Variants in M1AP observed in about 807,000 individuals in gnomAD.
The protein encoded by M1AP is meiosis 1 associated protein.
In M1AP, 39 loss-of-function variants were observed where a neutral mutation model predicts 51.2. That is an observed-to-expected ratio of 0.76 (90% CI 0.59 to 1.00). The LOEUF is 1.00. Among genes scored for constraint, M1AP ranks in the 50% least tolerant of loss-of-function variants. The probability of loss-of-function intolerance (pLI) is 0.00; values close to 1 mark genes in which losing one functional copy is unlikely to be tolerated. For synonymous variants in M1AP, 251 were observed against 249.2 expected (o/e 1.01, Z -0.07); for missense variants, 545 against 641.2 (o/e 0.85, Z 1.62).
chr2:74,593,932 T>C (rs981419351), intron 4 of M1AP, among the ~76,000 whole-genome samples: 4 of 151,894 alleles, frequency 2.6e-5, no homozygotes, highest in Admixed American at 1.3e-4. Context: ...CTCCAGAGAG[T>C]GAGGAAGAAA....
chr2:74,575,662 T>G, intron 6 of M1AP, 83 bp from the exon 7 acceptor site: 16 of 1,084,956 alleles, frequency 1.5e-5, no homozygotes, highest in Non-Finnish European at 2.1e-5. Flanking sequence ...AGCTTAACTC[T>G]AAGACAGTAC....
chr2:74,612,616 T>C (rs753933884), intron 3 of M1AP, among the ~76,000 whole-genome samples: 29 of 152,186 alleles, frequency 1.9e-4, no homozygotes, highest in Admixed American at 4.6e-4. Flanking sequence ...AGGTTGTTTA[T>C]TTGATATCTT....
intron 2 of M1AP, chr2:74,628,217 A>G (rs1201257640): frequency 4.3e-6 from 1 of 231,064 alleles, no homozygotes; most frequent in African/African-American, 2.3e-5. Context: ...GGAAAAACAA[A>G]GCCAATCCTC....
chr2:74,631,315 T>A (rs954701027), intron 2 of M1AP, among the ~76,000 whole-genome samples: 1 of 152,230 alleles, frequency 6.6e-6, no homozygotes, highest in Non-Finnish European at 1.5e-5. Context: ...TCTGCTTTAG[T>A]GATTATCTTT....
rs1157267458 is a variant in M1AP, at chr2:74,609,216, C to T, written c.427-1993G>A. 4.7e-3 allele frequency among the ~76,000 whole-genome samples: 710 copies of T among 152,242 alleles called. 7 individuals are homozygous for T. The highest frequency in any genetic ancestry group is 0.016 in the African/African-American group (681 of 41,512). ...CCAACCTCTCCTCATGCACCCTTCC[C>T]CCCTATCCTCAGCCTCTGATAACCA... is the stretch of plus-strand genomic sequence containing the variant. On this transcript the variant is annotated intron_variant, in intron 3 of 10. Coordinates refer to ENST00000421985, the MANE Select transcript of M1AP (RefSeq NM_001321739.2).
At chr2:74,580,537 G>C (rs532799295) in intron 5 of M1AP, among the ~76,000 whole-genome samples, 8 of 152,252 alleles carry the variant, frequency 5.3e-5, no homozygotes, top group African/African-American at 1.7e-4. Context: ...AGACAGAAAG[G>C]GTCTTGGGAA....
At chr2:74,562,519 G>C (rs1419449853) in intron 7 of M1AP, 96 bp from the exon 8 acceptor site, 1 of 1,361,602 alleles carries the variant, frequency 7.3e-7, no homozygotes, top group Non-Finnish European at 1.0e-6. Flanking sequence ...TTCCAGGGGT[G>C]CTGAGGAGGG....
In M1AP at chr2:74,561,086, AG is replaced by A. The variant is rs1170431787; in HGVS notation, c.1282-796del. Among the ~76,000 whole-genome samples, 29 of 135,088 alleles carry A rather than the reference AG, an allele frequency of 2.1e-4. 1 individual carries two copies. The highest frequency in any genetic ancestry group is 7.2e-4 in the African/African-American group (25 of 34,868). The allele number at this position is 135,088 out of a possible 152,430, so 88.6% of individuals were successfully genotyped here. A position where few individuals can be genotyped will look rare whatever the true frequency, so the allele number is the denominator to read the frequency against. Reference sequence around the variant, plus strand: ...GGGGAGGAGGAGGAGGAGGAGGAGGAGGAGAAGGAGAAGGAGGAGGAGGAGA... The same window carrying A: ...GGGGAGGAGGAGGAGGAGGAGGAGGAGAGAAGGAGAAGGAGGAGGAGGAGA... On this transcript the variant is annotated intron_variant, in intron 8 of 10. Transcript: ENST00000421985.
chr2:74,607,287 A>G (rs887320834), intron 3 of M1AP, 64 bp from the exon 4 acceptor site: 2 of 1,487,592 alleles, frequency 1.3e-6, no homozygotes, highest in Non-Finnish European at 1.9e-6. Context: ...GGAACATAAC[A>G]GTTCCTACCC....
intron 4 of M1AP, among the ~76,000 whole-genome samples, chr2:74,598,032 C>T (rs1264131987): frequency 6.6e-6 from 1 of 152,208 alleles, no homozygotes; most frequent in African/African-American, 2.4e-5. Flanking sequence ...TTTCCCTAAT[C>T]TTCTCCAGAA....
intron 2 of M1AP, among the ~76,000 whole-genome samples, chr2:74,634,552 T>A (rs1222809591): frequency 6.6e-6 from 1 of 152,178 alleles, no homozygotes; most frequent in African/African-American, 2.4e-5. Flanking sequence ...GCCTTTTATT[T>A]CCTTTTCTTA....
intron 2 of M1AP, chr2:74,628,601 T>C (rs976360280): frequency 1.6e-6 from 1 of 624,280 alleles, no homozygotes; most frequent in Non-Finnish European, 2.9e-6. Context: ...TTTTATTATC[T>C]TGAGAGGAAG....
chr2:74,559,831 C>T (rs1677782489), intron 9 of M1AP, 122 bp from the exon 10 acceptor site: 1 of 688,490 alleles, frequency 1.5e-6, no homozygotes, highest in East Asian at 2.7e-5. Flanking sequence ...ACCTTTCCTT[C>T]AGCCTTTTCT....
intron 9 of M1AP, 91 bp downstream of exon 9, chr2:74,560,060 G>A: frequency 2.1e-6 from 3 of 1,420,994 alleles, no homozygotes; most frequent in Non-Finnish European, 2.9e-6. Context: ...TGGGGGCGGT[G>A]TTGGGATGGG....
At chr2:74,561,270 A>AGG (rs1677992514) in intron 8 of M1AP, among the ~76,000 whole-genome samples, 2 of 35,622 alleles carry the variant, frequency 5.6e-5, no homozygotes, top group African/African-American at 2.2e-4. Flanking sequence ...AGAAGAAGAA[A>AGG]AAGAAGGAGG....
intron 3 of M1AP, among the ~76,000 whole-genome samples, chr2:74,608,329 G>A (rs977328873): frequency 3.3e-5 from 5 of 151,960 alleles, no homozygotes; most frequent in African/African-American, 1.2e-4. Context: ...ATATAGTTGG[G>A]GATATATATG....
chr2:74,623,954 A>G (rs1682229591), intron 2 of M1AP, among the ~76,000 whole-genome samples: 1 of 152,244 alleles, frequency 6.6e-6, no homozygotes, highest in Non-Finnish European at 1.5e-5. Flanking sequence ...TATAGGCGTG[A>G]GCCACCACAC....
intron 1 of M1AP, among the ~76,000 whole-genome samples, chr2:74,645,917 C>G (rs1260803367): frequency 6.6e-6 from 1 of 152,164 alleles, no homozygotes; most frequent in East Asian, 1.9e-4. Context: ...TCAGTTACTA[C>G]AGTTTAGTTA....
chr2:74,584,668 G>A (rs1204050090), intron 4 of M1AP, among the ~76,000 whole-genome samples: 1 of 151,038 alleles, frequency 6.6e-6, no homozygotes, highest in Admixed American at 6.6e-5. Flanking sequence ...TGGAAGTAAG[G>A]AAAATAAAGG....
Sources: allele counts gnomAD v4.1 joint callset (sites outside exome capture counted in the v4.1 genomes callset), GRCh38; gene constraint gnomAD v4.1.1; transcripts MANE v1.5; gene names NCBI Gene and HGNC (gene_info 2026-07-23, HGNC 2026-07-21).